The following DOCK11 variants were observed in gnomAD, a reference collection of about 807,000 sequenced individuals.
The protein encoded by DOCK11 is dedicator of cytokinesis 11.
DOCK11 carries 70 observed loss-of-function variants against 169.1 expected under a neutral mutation model. The observed-to-expected ratio is 0.41, with a 90% CI of 0.34 to 0.51. The LOEUF is 0.51. Ranked by LOEUF, DOCK11 falls within the 20% of genes least tolerant of loss-of-function variation. DOCK11 has a pLI of 0.10. For missense variants in DOCK11, 1,166 were observed against 1,538.8 expected (o/e 0.76, Z 4.05); for synonymous variants, 529 against 541.3 (o/e 0.98, Z 0.32).
At chrX:118,568,964 C>T (rs776647585) in intron 10 of DOCK11, among the ~76,000 whole-genome samples, 18 of 110,403 alleles carry the variant, frequency 1.6e-4, no homozygotes, top group Non-Finnish European at 3.2e-4. Context: ...AGTTTGAAAT[C>T]GGAAAATGTG....
intron 1 of DOCK11, among the ~76,000 whole-genome samples, chrX:118,524,791 G>A (rs1481989374): frequency 9.0e-6 from 1 of 111,355 alleles, no homozygotes; most frequent in Non-Finnish European, 1.9e-5. Flanking sequence ...GGTGGGTAAT[G>A]TAAAATGGTA....
chrX:118,681,841 A>G (rs2016750538), intron 51 of DOCK11, 47 bp downstream of exon 51: 1 of 998,221 alleles, frequency 1.0e-6, no homozygotes, highest in Non-Finnish European at 1.4e-6. Flanking sequence ...CGTTTTCTCT[A>G]TTTTCTTCTT....
intron 6 of DOCK11, among the ~76,000 whole-genome samples, chrX:118,554,747 A>G (rs1037622069): frequency 9.0e-6 from 1 of 111,374 alleles, no homozygotes; most frequent in Non-Finnish European, 1.9e-5. Context: ...GTGCCAGGCA[A>G]TATGTATAAG....
At chrX:118,607,034 CTCCTTTCCTTTCCCTT>C (rs771951535) in intron 24 of DOCK11, among the ~76,000 whole-genome samples, 74 of 107,980 alleles carry the variant, frequency 6.9e-4, no homozygotes, top group Non-Finnish European at 1.2e-3. Flanking sequence ...TCCTTTCCTT[CTCCTTTCCTTTCCCTT>C]TCCTTTCCTT....
At chrX:118,592,488 A>G (rs1227842150) in intron 19 of DOCK11, among the ~76,000 whole-genome samples, 1 of 112,344 alleles carries the variant, frequency 8.9e-6, no homozygotes, top group African/African-American at 3.2e-5. Context: ...TGACTGAGAG[A>G]GACAGAGAGA....
At chrX:118,645,425 G>A (rs2015631266) in intron 40 of DOCK11, among the ~76,000 whole-genome samples, 1 of 111,518 alleles carries the variant, frequency 9.0e-6, no homozygotes, top group Admixed American at 9.5e-5. Context: ...CGGGCGCAGT[G>A]GTTCACGCCT....
chrX:118,605,217 C>T, intron 23 of DOCK11, 21 bp from the exon 24 acceptor site: 1 of 1,062,083 alleles, frequency 9.4e-7, no homozygotes, highest in Non-Finnish European at 1.3e-6. Flanking sequence ...GTTTTCATAA[C>T]TAATAATGAC....
intron 1 of DOCK11, among the ~76,000 whole-genome samples, chrX:118,529,591 C>A (rs1032997163): frequency 3.6e-5 from 4 of 111,888 alleles, no homozygotes; most frequent in African/African-American, 1.3e-4. Context: ...GTGAATAAGA[C>A]AACGACACTA....
At chrX:118,651,910 A>G (rs1354163818) in intron 41 of DOCK11, 54 bp from the exon 42 acceptor site, 9 of 861,686 alleles carry the variant, frequency 1.0e-5, no homozygotes, top group East Asian at 3.1e-5. Flanking sequence ...TGATGAGCAT[A>G]GACAGCATTT....
At chrX:118,520,684 T>A (rs1414630525) in intron 1 of DOCK11, among the ~76,000 whole-genome samples, 2 of 111,878 alleles carry the variant, frequency 1.8e-5, no homozygotes, top group Non-Finnish European at 3.8e-5. Context: ...AAAAATATGA[T>A]CAGGGTTCAC....
At chrX:118,639,387 G>T (rs771261168) in intron 37 of DOCK11, 48 bp from the exon 38 acceptor site, 7 of 1,158,336 alleles carry the variant, frequency 6.0e-6, no homozygotes, top group Non-Finnish European at 8.2e-6. Context: ...ATAACATTGA[G>T]ATATGTTATT....
chrX:118,676,883 C>G, intron 48 of DOCK11, 146 bp downstream of exon 48: 1 of 486,501 alleles, frequency 2.1e-6, no homozygotes, highest in East Asian at 4.2e-5. Context: ...GCTTTGGAGT[C>G]AGAGATACCA....
chrX:118,589,295 C>T (rs1047322860), intron 18 of DOCK11, among the ~76,000 whole-genome samples: 1 of 111,481 alleles, frequency 9.0e-6, no homozygotes, highest in African/African-American at 3.3e-5. Context: ...CTCTGGTTCT[C>T]TGTTCAGTGG....
intron 35 of DOCK11, 87 bp from the exon 36 acceptor site, chrX:118,636,259 C>A: frequency 2.1e-6 from 1 of 484,500 alleles, no homozygotes; most frequent in Non-Finnish European, 3.3e-6. Flanking sequence ...AGTTGATAGT[C>A]CTTGAAGCTA....
At chrX:118,583,969 G>T (rs1211581265) in intron 14 of DOCK11, among the ~76,000 whole-genome samples, 1 of 111,336 alleles carries the variant, frequency 9.0e-6, no homozygotes, top group African/African-American at 3.3e-5. Context: ...TTGAATCCAC[G>T]GATGCGGAGC....
At chrX:118,522,927 C>T (rs754591377) in intron 1 of DOCK11, among the ~76,000 whole-genome samples, 1 of 112,166 alleles carries the variant, frequency 8.9e-6, no homozygotes, top group African/African-American at 3.2e-5. Context: ...CAGAATTTGG[C>T]GTACTACGCT....
chrX:118,557,789 AAGAG>A (rs1396225328), intron 6 of DOCK11, among the ~76,000 whole-genome samples: 3 of 102,929 alleles, frequency 2.9e-5, no homozygotes, highest in Non-Finnish European at 3.9e-5. Flanking sequence ...AAAAAAAAAA[AAGAG>A]AAGAAATAGA....
At chrX:118,669,920 T>C (rs994755820) in intron 45 of DOCK11, among the ~76,000 whole-genome samples, 1 of 111,591 alleles carries the variant, frequency 9.0e-6, no homozygotes, top group Non-Finnish European at 1.9e-5. Context: ...TGTAGTCTCA[T>C]GGTGTTTTCC....
intron 48 of DOCK11, among the ~76,000 whole-genome samples, chrX:118,678,692 C>T (rs1470095221): frequency 9.1e-6 from 1 of 109,653 alleles, no homozygotes; most frequent in Admixed American, 9.8e-5. Flanking sequence ...AGGATGGTCT[C>T]GAACTCCTAA....
Sources: gnomAD v4.1 joint callset for allele counts (sites outside exome capture counted in the v4.1 genomes callset) on GRCh38, gnomAD v4.1.1 for gene constraint, MANE v1.5 for transcripts, NCBI Gene and HGNC (gene_info 2026-07-23, HGNC 2026-07-21) for gene names.